The following PARD3B variants were observed in gnomAD, a reference collection of about 807,000 sequenced individuals.
PARD3B encodes par-3 family cell polarity regulator beta.
In PARD3B, 103 loss-of-function variants were observed where a neutral mutation model predicts 130.2. The observed-to-expected ratio is 0.79, with a 90% CI of 0.67 to 0.93. The LOEUF is 0.93. PARD3B is among the 40% of genes least tolerant of loss of function. PARD3B has a pLI of 0.00. For missense variants in PARD3B, 1,609 were observed against 1,499.2 expected (o/e 1.07, Z -1.21); for synonymous variants, 583 against 553.2 (o/e 1.05, Z -0.76).
Position 205,106,661 on chromosome 2 carries a change from G to A in PARD3B, c.593+2147G>A, listed in dbSNP as rs150386827. 2.0e-5 allele frequency among the ~76,000 whole-genome samples: 3 copies of A among 152,196 alleles called. No individual in the cohort carries two copies. In the East Asian group the frequency reaches 5.8e-4, roughly 29 times the overall value. Reference sequence around the variant, plus strand: ...GACACCCACCACTCTTGTCTACAAAGCCACTATTTCAAACATTCCTGTTGC... The same window carrying A: ...GACACCCACCACTCTTGTCTACAAAACCACTATTTCAAACATTCCTGTTGC... On this transcript the variant is annotated intron_variant, in intron 5 of 22. Transcript: ENST00000406610.
intron 15 of PARD3B, among the ~76,000 whole-genome samples, chr2:205,231,501 A>ATTT (rs1278709655): frequency 1.5e-5 from 2 of 130,656 alleles, no homozygotes; most frequent in South Asian, 2.5e-4. Context: ...TAATTTTTGT[A>ATTT]TTTTTTTTTT....
At chr2:204,877,557 G>T (rs2045892538) in intron 2 of PARD3B, among the ~76,000 whole-genome samples, 3 of 152,206 alleles carry the variant, frequency 2.0e-5, no homozygotes, top group South Asian at 4.1e-4. Flanking sequence ...TGCCTATACT[G>T]AGAGAAGACT....
intron 2 of PARD3B, among the ~76,000 whole-genome samples, chr2:204,779,199 T>G (rs1199369341): frequency 6.6e-6 from 1 of 152,178 alleles, no homozygotes; most frequent in Non-Finnish European, 1.5e-5. Context: ...TGGACCAGTC[T>G]TGCCCATTTT....
At position 205,025,073 on chromosome 2, in the gene PARD3B, A is replaced by G. The variant is rs565220088; in HGVS notation, c.395-22508A>G. 5.9e-5 allele frequency among the ~76,000 whole-genome samples: 9 copies of G among 152,280 alleles called. No homozygotes were observed. In the East Asian group the frequency reaches 1.5e-3, roughly 26 times the overall value. On this transcript the variant is annotated intron_variant, in intron 3 of 22. Transcript: ENST00000406610. Reference sequence around the variant, plus strand: ...AACTAGCGGCACTAAAAAGGGCTGCATCTTTGTATTGTTGCTGTTTATCTT... The same window carrying G: ...AACTAGCGGCACTAAAAAGGGCTGCGTCTTTGTATTGTTGCTGTTTATCTT...
Position 205,590,464 on chromosome 2 carries a change from C to T in PARD3B, c.3261-24992C>T, listed in dbSNP as rs2054345944. 1.3e-5 allele frequency among the ~76,000 whole-genome samples: 2 copies of T among 152,166 alleles called. No individual in the cohort carries two copies. The highest frequency in any genetic ancestry group is 4.1e-4 in the South Asian group (2 of 4,826). ...GAAGTCCTAGGATCATCTCAGGTTG[C>T]TTTTATCGCGGTATGTTTTTAACCA... is the stretch of plus-strand genomic sequence containing the variant. On this transcript the variant is annotated intron_variant, in intron 22 of 22. Coordinates refer to ENST00000406610, the MANE Select transcript of PARD3B (RefSeq NM_001302769.2). The surrounding 1 kb of genome is among the most constrained non-coding windows in gnomAD (Gnocchi z 4.1).
chr2:205,205,774 C>CCTTG (rs1491346684), intron 15 of PARD3B, among the ~76,000 whole-genome samples: 2 of 152,172 alleles, frequency 1.3e-5, no homozygotes, highest in Admixed American at 1.3e-4. Flanking sequence ...GTTGAACCAG[C>CCTTG]CTTGCATCCC....
At chr2:205,333,761 C>T (rs538019791) in intron 18 of PARD3B, among the ~76,000 whole-genome samples, 3 of 152,062 alleles carry the variant, frequency 2.0e-5, no homozygotes, top group Non-Finnish European at 4.4e-5. Context: ...CACTGTATCC[C>T]ATGCATTAAC....
rs565033922 is a variant in PARD3B, at chr2:205,607,547, A to G, written c.3261-7909A>G. ...GGATAATAATAATGCCTACCTGGTA[A>G]CATTGTTATGAGGAATAAATCCGTC... On this transcript the variant is annotated intron_variant, in intron 22 of 22. Transcript: ENST00000406610. 2.6e-5 allele frequency among the ~76,000 whole-genome samples: 4 copies of G among 152,276 alleles called. No homozygotes were observed. In the South Asian group the frequency reaches 8.3e-4, roughly 32 times the overall value.
At chr2:205,279,836 A>G (rs192011404) in intron 16 of PARD3B, among the ~76,000 whole-genome samples, 1 of 152,320 alleles carries the variant, frequency 6.6e-6, no homozygotes, top group Non-Finnish European at 1.5e-5. Context: ...CGTTCTGGGA[A>G]GTAAGTTCTC....
At chr2:204,977,991 G>A (rs1692339347) in intron 3 of PARD3B, among the ~76,000 whole-genome samples, 3 of 152,054 alleles carry the variant, frequency 2.0e-5, no homozygotes, top group Non-Finnish European at 2.9e-5. Flanking sequence ...GCTGAAGCTG[G>A]CAGAGAGAGA....
At chr2:205,194,514 C>T (rs1199506222) in intron 15 of PARD3B, among the ~76,000 whole-genome samples, 3 of 152,174 alleles carry the variant, frequency 2.0e-5, no homozygotes, top group African/African-American at 7.2e-5. Flanking sequence ...AAGAGCAGTT[C>T]ATTTTCATAG....
chr2:205,480,092 A>T (rs1012290772), intron 20 of PARD3B, among the ~76,000 whole-genome samples: 1 of 151,886 alleles, frequency 6.6e-6, no homozygotes, highest in Non-Finnish European at 1.5e-5. Flanking sequence ...TTTAGTAGAG[A>T]TGGGGTTTCA....
At chr2:204,976,600 T>C (rs529805081) in intron 3 of PARD3B, among the ~76,000 whole-genome samples, 1 of 129,542 alleles carries the variant, frequency 7.7e-6, no homozygotes, top group East Asian at 2.5e-4. Flanking sequence ...ATTTAGGTAA[T>C]TGATTTTTTT....
At chr2:205,022,197 A>C (rs1204516266) in intron 3 of PARD3B, among the ~76,000 whole-genome samples, 2 of 152,174 alleles carry the variant, frequency 1.3e-5, no homozygotes, top group Non-Finnish European at 2.9e-5. Context: ...ATTACCTAAA[A>C]CATACTGGCT....
In PARD3B at chr2:205,091,767, C is replaced by T. The variant is rs564915760; in HGVS notation, c.505-12659C>T. Among the ~76,000 whole-genome samples, 6 of 152,084 alleles carry T rather than the reference C, an allele frequency of 3.9e-5. No individual in the cohort carries two copies. Among genetic ancestry groups the T allele is most frequent in the Admixed American group, 1.3e-4 (2 of 15,272 alleles). The stretch of plus-strand genomic sequence containing the variant: ...AGAACATGCAAAGGGGAACAGTAGA[C>T]GGGCCATTCATTAGTATCTTCTCTC... On this transcript the variant is annotated intron_variant, in intron 4 of 22. Transcript: ENST00000406610. The surrounding 1 kb of genome is among the most constrained non-coding windows in gnomAD (Gnocchi z 4.2).
At chr2:204,914,131 A>C (rs1052347140) in intron 2 of PARD3B, among the ~76,000 whole-genome samples, 1 of 152,174 alleles carries the variant, frequency 6.6e-6, no homozygotes, top group East Asian at 1.9e-4. Context: ...CACCATTTGC[A>C]GAGGGGAGGA....
chr2:204,693,115 G>A (rs2037432802), intron 2 of PARD3B, among the ~76,000 whole-genome samples: 2 of 151,960 alleles, frequency 1.3e-5, no homozygotes, highest in Non-Finnish European at 2.9e-5. Flanking sequence ...TTGGTTAGGA[G>A]CACCTTCTCC....
chr2:204,667,874 T>G (rs1297170898), intron 1 of PARD3B, among the ~76,000 whole-genome samples: 1 of 152,218 alleles, frequency 6.6e-6, no homozygotes, highest in Non-Finnish European at 1.5e-5. Flanking sequence ...TTTTGGACTC[T>G]GCCTTTTAGC....
At chr2:205,518,019 C>T (rs1170719190) in intron 21 of PARD3B, among the ~76,000 whole-genome samples, 1 of 152,040 alleles carries the variant, frequency 6.6e-6, no homozygotes, top group African/African-American at 2.4e-5. Flanking sequence ...GACAGTTTTA[C>T]AGTATGTGCC....
Sources: allele counts gnomAD v4.1 joint callset (sites outside exome capture counted in the v4.1 genomes callset), GRCh38; gene constraint gnomAD v4.1.1; non-coding constraint Gnocchi (gnomAD v3.1); transcripts MANE v1.5; gene names NCBI Gene and HGNC (gene_info 2026-07-23, HGNC 2026-07-21).